Variants in GARRE1 observed in about 807,000 individuals in gnomAD.
The protein encoded by GARRE1 is granule associated Rac and RHOG effector 1.
GARRE1 carries 49 observed loss-of-function variants against 103.2 expected under a neutral mutation model. That is an observed-to-expected ratio of 0.47 (90% confidence interval 0.38 to 0.60). GARRE1 has a LOEUF of 0.60. Ranked by LOEUF, GARRE1 falls within the 20% of genes least tolerant of loss-of-function variation. The pLI is 0.00. For missense variants in GARRE1, 1,199 were observed against 1,370.5 expected (o/e 0.87, Z 1.98); for synonymous variants, 505 against 532.8 (o/e 0.95, Z 0.72).
intron 8 of GARRE1, among the ~76,000 whole-genome samples, chr19:34,337,470 C>G (rs2074166444): frequency 6.6e-6 from 1 of 152,078 alleles, no homozygotes; most frequent in African/African-American, 2.4e-5. Flanking sequence ...TTGAGAGGAG[C>G]CTGTCATGCA....
At chr19:34,321,764 C>T (rs917971286) in intron 3 of GARRE1, among the ~76,000 whole-genome samples, 5 of 152,368 alleles carry the variant, frequency 3.3e-5, no homozygotes, top group African/African-American at 1.2e-4. Context: ...GCGTGAGCCA[C>T]TGCACTGGGC....
chr19:34,316,099 T>C (rs2074059247), intron 2 of GARRE1, among the ~76,000 whole-genome samples: 1 of 152,196 alleles, frequency 6.6e-6, no homozygotes, highest in African/African-American at 2.4e-5. Flanking sequence ...ACAGACCTGG[T>C]GTCAGATCCC....
In GARRE1 at chr19:34,354,288, C is replaced by G. The variant is rs1208224601; in HGVS notation, c.*1333C>G. 1 of 152,088 alleles carries G rather than the reference C, an allele frequency of 6.6e-6. No homozygotes were observed. Among genetic ancestry groups the G allele is most frequent in the African/African-American group, 2.4e-5 (1 of 41,406 alleles). The allele number at this position is 152,088 out of a possible 1,614,324, so 9.4% of individuals were successfully genotyped here. On this transcript the variant is annotated 3_prime_UTR_variant, in exon 14 of 14. Transcript: ENST00000299505. ...ACTACTAATAAATGGTTTATTCTTT[C>G]TAACTCCATATAAGCTTTTCCAGCA...
At chr19:34,280,822 A>G (rs1858600457) in intron 1 of GARRE1, among the ~76,000 whole-genome samples, 1 of 152,042 alleles carries the variant, frequency 6.6e-6, no homozygotes, top group African/African-American at 2.4e-5. Flanking sequence ...TATCGGAAAA[A>G]TTTCTGATCC....
intron 7 of GARRE1, among the ~76,000 whole-genome samples, chr19:34,333,431 A>G (rs1055870209): frequency 6.6e-5 from 10 of 152,216 alleles, no homozygotes; most frequent in Non-Finnish European, 1.2e-4. Context: ...CCTAATTAAC[A>G]TATTTATAGT....
rs151321264 is a variant in GARRE1, at chr19:34,305,066, A to G, written c.495+4098A>G. Among the ~76,000 whole-genome samples, 990 of 152,330 alleles carry G rather than the reference A, an allele frequency of 6.5e-3. 10 individuals are homozygous for G. Among genetic ancestry groups the G allele is most frequent in the African/African-American group, 0.023 (942 of 41,568 alleles). On this transcript the variant is annotated intron_variant, in intron 2 of 13. Coordinates refer to ENST00000299505, the MANE Select transcript of GARRE1 (RefSeq NM_014686.5). ...CTCGGCCTCCCAAAGTGCTGGGATTACAGGCGTGAGCCACCGTGCCCGGCG... is the reference window on the plus strand; with the variant it reads ...CTCGGCCTCCCAAAGTGCTGGGATTGCAGGCGTGAGCCACCGTGCCCGGCG...
chr19:34,268,007 C>T (rs1276947249), intron 1 of GARRE1, among the ~76,000 whole-genome samples: 3 of 151,282 alleles, frequency 2.0e-5, no homozygotes, highest in East Asian at 3.9e-4. Context: ...CTCTTGACCT[C>T]GTGATCCACC....
intron 2 of GARRE1, among the ~76,000 whole-genome samples, chr19:34,314,005 T>C (rs911617966): frequency 7.2e-5 from 11 of 152,052 alleles, no homozygotes; most frequent in Admixed American, 1.3e-4. Flanking sequence ...TTCACCATGT[T>C]GACTAGGCTG....
chr19:34,316,671 A>G (rs1392766489), intron 2 of GARRE1, among the ~76,000 whole-genome samples: 1 of 152,220 alleles, frequency 6.6e-6, no homozygotes, highest in Non-Finnish European at 1.5e-5. Context: ...TCCAAGGTCC[A>G]GCGTTAACCA....
intron 1 of GARRE1, chr19:34,296,226 C>T (rs1028381461): frequency 4.1e-5 from 24 of 585,636 alleles, no homozygotes; most frequent in South Asian, 2.6e-4. Flanking sequence ...GACGGCAGCC[C>T]GAGGGGGTCG....
chr19:34,283,034 G>T (rs1439520303), intron 1 of GARRE1, among the ~76,000 whole-genome samples: 2 of 152,200 alleles, frequency 1.3e-5, no homozygotes, highest in African/African-American at 4.8e-5. Context: ...ATGTCACTGG[G>T]ATTTGGGGAG....
intron 9 of GARRE1, 113 bp from the exon 10 acceptor site, chr19:34,341,309 C>G: frequency 1.2e-6 from 1 of 852,990 alleles, no homozygotes; most frequent in South Asian, 1.7e-5. Context: ...GAACCCGATA[C>G]CAACCTGAGA....
intron 1 of GARRE1, among the ~76,000 whole-genome samples, chr19:34,295,552 CAG>C (rs981684467): frequency 8.1e-6 from 1 of 124,114 alleles, no homozygotes; most frequent in African/African-American, 3.3e-5. Context: ...GTTTTCGAGA[CAG>C]GGTCTTGTTT....
At position 34,320,459 on chromosome 19, in the gene GARRE1, G is replaced by A. The variant is rs149993980; in HGVS notation, c.705+343G>A. ...CTGCAGGAAAGCTTCTAAGATGGGG[G>A]ACCAGTGAGAAGAGGCTGGCACCCA... On this transcript the variant is annotated intron_variant, in intron 3 of 13. Coordinates refer to ENST00000299505, the MANE Select transcript of GARRE1 (RefSeq NM_014686.5). 2.6e-3 allele frequency among the ~76,000 whole-genome samples: 395 copies of A among 152,278 alleles called. 1 individual carries two copies. Among genetic ancestry groups the A allele is most frequent in the African/African-American group, 9.3e-3 (387 of 41,554 alleles).
chr19:34,274,239 G>A (rs1250288697), intron 1 of GARRE1, among the ~76,000 whole-genome samples: 1 of 151,932 alleles, frequency 6.6e-6, no homozygotes, highest in African/African-American at 2.4e-5. Context: ...AACCCCGTCT[G>A]TACTAAAAAT....
chr19:34,340,248 G>T (rs570771189), intron 9 of GARRE1, among the ~76,000 whole-genome samples: 60 of 152,174 alleles, frequency 3.9e-4, no homozygotes, highest in Admixed American at 3.3e-3. Flanking sequence ...CATTTGAGAG[G>T]AAGTCCATCA....
intron 1 of GARRE1, among the ~76,000 whole-genome samples, chr19:34,273,300 T>C (rs4806006): frequency 0.041 from 6,215 of 152,336 alleles, 191 homozygotes; most frequent in Admixed American, 0.11. Flanking sequence ...ATATTTGATA[T>C]CTAAAGCTCC....
chr19:34,327,009 A>C lies in GARRE1; in HGVS notation c.706-412A>C, dbSNP rs889016461. Among the ~76,000 whole-genome samples, 8 of 151,562 alleles carry C rather than the reference A, an allele frequency of 5.3e-5. No individual in the cohort carries two copies. The East Asian group carries it at 1.4e-3, about 26-fold the overall frequency. Reference sequence around the variant, plus strand: ...GTCTCTACTAAAAATACAAAACTCAACCAGGCGCAGTGGTGGGTGCCTGTA... The same window carrying C: ...GTCTCTACTAAAAATACAAAACTCACCCAGGCGCAGTGGTGGGTGCCTGTA... On this transcript the variant is annotated intron_variant, in intron 3 of 13. Transcript: ENST00000299505.
intron 2 of GARRE1, among the ~76,000 whole-genome samples, chr19:34,307,261 T>C (rs2074011260): frequency 6.6e-6 from 1 of 152,110 alleles, no homozygotes; most frequent in South Asian, 2.1e-4. Context: ...CCTGCCATTC[T>C]TTTGTAGTGA....
Sources: allele counts gnomAD v4.1 joint callset (sites outside exome capture counted in the v4.1 genomes callset), GRCh38; gene constraint gnomAD v4.1.1; transcripts MANE v1.5; gene names NCBI Gene and HGNC (gene_info 2026-07-23, HGNC 2026-07-21).